Variants in EYS observed in about 807,000 individuals in gnomAD.
The protein encoded by EYS is EGF-like photoreceptor maintenance factor.
In EYS, 250 loss-of-function variants were observed where a neutral mutation model predicts 282.1. That is an observed-to-expected ratio of 0.89 (90% CI 0.80 to 0.98). The LOEUF is 0.98. Ranked by LOEUF, EYS falls within the 50% of genes least tolerant of loss-of-function variation. The pLI, the probability that EYS is intolerant of heterozygous loss-of-function variation, is 0.00. For synonymous variants in EYS, 1,355 were observed against 1,282.9 expected (o/e 1.06, Z -1.20); for missense variants, 4,016 against 3,709.0 (o/e 1.08, Z -2.15).
chr6:64,575,379 A>G (rs1396346482), intron 26 of EYS, among the ~76,000 whole-genome samples: 1 of 152,158 alleles, frequency 6.6e-6, no homozygotes, highest in Non-Finnish European at 1.5e-5. Context: ...CTTAGAATTG[A>G]AAACATAGAA....
At chr6:64,599,717 T>C (rs924735385) in intron 24 of EYS, among the ~76,000 whole-genome samples, 1 of 152,144 alleles carries the variant, frequency 6.6e-6, no homozygotes, top group Non-Finnish European at 1.5e-5. Context: ...TTTCTGGTAA[T>C]AGAGCTAGAA....
intron 12 of EYS, among the ~76,000 whole-genome samples, chr6:65,192,526 T>C (rs1427524085): frequency 6.6e-6 from 1 of 151,832 alleles, no homozygotes; most frequent in Non-Finnish European, 1.5e-5. Context: ...TATCAGAAGA[T>C]GTAAACATAC....
Position 64,896,508 on chromosome 6 carries a change from CG to C in EYS, c.2846+5604del, listed in dbSNP as rs147456492. 3.2e-3 allele frequency among the ~76,000 whole-genome samples: 486 copies of C among 151,710 alleles called. 3 individuals carry two copies. Among genetic ancestry groups the C allele is most frequent in the African/African-American group, 0.011 (467 of 41,354 alleles). Reference sequence around the variant, plus strand: ...GGTTTCAAGCAAAAAACTGGGTGGCCGTTTGGGCAGACATTGAGCTAGCTGC... The same window carrying C: ...GGTTTCAAGCAAAAAACTGGGTGGCCTTTGGGCAGACATTGAGCTAGCTGC... On this transcript the variant is annotated intron_variant, in intron 18 of 42. Transcript: ENST00000503581.
At chr6:64,091,450 C>T (rs558332111) in intron 31 of EYS, among the ~76,000 whole-genome samples, 2 of 152,206 alleles carry the variant, frequency 1.3e-5, no homozygotes, top group African/African-American at 4.8e-5. Flanking sequence ...AAAAGTGTTC[C>T]ACTCTGTTCT....
intron 22 of EYS, among the ~76,000 whole-genome samples, chr6:64,701,383 G>T (rs1770782530): frequency 6.6e-6 from 1 of 151,978 alleles, no homozygotes; most frequent in South Asian, 2.1e-4. Context: ...AATCAACAGG[G>T]TCAACAGACA....
intron 22 of EYS, among the ~76,000 whole-genome samples, chr6:64,686,819 A>ATC (rs1562133895): frequency 8.9e-5 from 4 of 45,076 alleles, no homozygotes; most frequent in Non-Finnish European, 1.5e-4. Context: ...GTATATATAT[A>ATC]TGTGTATATA....
intron 36 of EYS, among the ~76,000 whole-genome samples, chr6:63,823,973 C>A (rs1393024790): frequency 6.6e-6 from 1 of 152,184 alleles, no homozygotes; most frequent in Non-Finnish European, 1.5e-5. Flanking sequence ...CAAAGGAAAG[C>A]AGAATAGATA....
chr6:64,891,263 T>C (rs1767284597), intron 18 of EYS, among the ~76,000 whole-genome samples: 1 of 151,932 alleles, frequency 6.6e-6, no homozygotes, highest in Admixed American at 6.6e-5. Context: ...CACTAAACAA[T>C]ATGAGGGCAA....
At chr6:65,521,094 C>A (rs1767350486) in intron 2 of EYS, among the ~76,000 whole-genome samples, 3 of 152,070 alleles carry the variant, frequency 2.0e-5, no homozygotes, top group Admixed American at 1.3e-4. Flanking sequence ...GCATTTGCTG[C>A]AATTAAGAGA....
Position 65,062,291 on chromosome 6 carries a change from A to G in EYS, c.2024-4564T>C, listed in dbSNP as rs576243956. Among the ~76,000 whole-genome samples the G allele has an allele frequency of 1.1e-4, 17 of 152,056 alleles. No individual in the cohort carries two copies. The South Asian group carries it at 3.1e-3, about 28-fold the overall frequency. Reference sequence around the variant, plus strand: ...TAACTGTGATAAATAACAAAACCCAAGAGTTATTCTTTATTGTTCCTCACC... The same window carrying G: ...TAACTGTGATAAATAACAAAACCCAGGAGTTATTCTTTATTGTTCCTCACC... On this transcript the variant is annotated intron_variant, in intron 12 of 42. Coordinates refer to ENST00000503581, the MANE Select transcript of EYS (RefSeq NM_001142800.2).
chr6:64,273,468 T>C (rs1430687688), intron 30 of EYS, among the ~76,000 whole-genome samples: 1 of 152,154 alleles, frequency 6.6e-6, no homozygotes, highest in African/African-American at 2.4e-5. Context: ...TAACTAACTA[T>C]ATAGTCTCTA....
intron 35 of EYS, among the ~76,000 whole-genome samples, chr6:63,865,317 A>G (rs1772646038): frequency 6.6e-6 from 1 of 152,230 alleles, no homozygotes; most frequent in African/African-American, 2.4e-5. Flanking sequence ...TGACAGAGAA[A>G]TATAGATTAT....
intron 2 of EYS, among the ~76,000 whole-genome samples, chr6:65,541,172 G>A (rs943082608): frequency 1.3e-5 from 2 of 152,022 alleles, no homozygotes; most frequent in African/African-American, 4.8e-5. Context: ...GTTAGGTGGT[G>A]CCACTTTATC....
intron 31 of EYS, among the ~76,000 whole-genome samples, chr6:64,227,517 A>T (rs190546746): frequency 6.6e-6 from 1 of 152,046 alleles, no homozygotes; most frequent in Admixed American, 6.6e-5. Flanking sequence ...TTCTAATCCC[A>T]TTTCTACCAT....
chr6:63,986,695 A>G (rs1767383788), intron 34 of EYS, among the ~76,000 whole-genome samples: 3 of 151,776 alleles, frequency 2.0e-5, no homozygotes, highest in Admixed American at 2.0e-4. Flanking sequence ...CAAATGCAGC[A>G]TGATTCTCAC....
chr6:65,588,152 T>C (rs1765117416), intron 2 of EYS, among the ~76,000 whole-genome samples: 1 of 152,050 alleles, frequency 6.6e-6, no homozygotes. Flanking sequence ...ATAATGAAAT[T>C]TCCTGCTGTG....
chr6:64,976,119 T>C (rs1188075255), intron 14 of EYS, among the ~76,000 whole-genome samples: 1 of 151,990 alleles, frequency 6.6e-6, no homozygotes, highest in African/African-American at 2.4e-5. Flanking sequence ...CAATTATTAC[T>C]GAAAAGCAAG....
intron 31 of EYS, among the ~76,000 whole-genome samples, chr6:64,094,855 A>G (rs898448393): frequency 6.6e-6 from 1 of 151,966 alleles, no homozygotes; most frequent in African/African-American, 2.4e-5. Context: ...TAGGGTGTCA[A>G]TTTTAGATCT....
chr6:65,495,260 A>G lies in EYS; in HGVS notation c.151T>C (p.Leu51=), dbSNP rs757997501. Residue 51 remains leucine (L), a synonymous_variant, in exon 4 of 43, where the codon TTG becomes CTG. Transcript: ENST00000503581. ...VNWTLTENIC[L]DFYRDCWFLG... is the part of the protein sequence containing the mutation. ...AACCAGCAATCTCTGTAGAAGTCCA[A>G]GCAGATGTTTTCTGTTAGTGTCCAA... The G allele has an allele frequency of 4.3e-6, 7 of 1,614,146 alleles. No individual in the cohort carries two copies. In the Admixed American group the frequency reaches 1.0e-4, roughly 23 times the overall value.
Sources: allele counts gnomAD v4.1 joint callset (sites outside exome capture counted in the v4.1 genomes callset), GRCh38; gene constraint gnomAD v4.1.1; transcripts MANE v1.5; gene names NCBI Gene and HGNC (gene_info 2026-07-23, HGNC 2026-07-21).